LAMA2: variants seen among roughly 807,000 people sequenced by gnomAD.
LAMA2 encodes laminin subunit alpha-2.
In LAMA2, 269 loss-of-function variants were observed where a neutral mutation model predicts 364.8. That is an observed-to-expected ratio of 0.74 (90% confidence interval 0.67 to 0.82). The LOEUF is 0.82. Among genes scored for constraint, LAMA2 ranks in the 40% least tolerant of loss-of-function variants. The pLI, the probability that LAMA2 is intolerant of heterozygous loss-of-function variation, is 0.00. For synonymous variants in LAMA2, 1,379 were observed against 1,370.6 expected (o/e 1.01, Z -0.14); for missense variants, 3,807 against 3,873.2 (o/e 0.98, Z 0.45).
At chr6:129,193,448 A>G (rs1583221259) in intron 12 of LAMA2, among the ~76,000 whole-genome samples, 1 of 152,264 alleles carries the variant, frequency 6.6e-6, no homozygotes, top group Non-Finnish European at 1.5e-5. Flanking sequence ...ATGTAAAAAC[A>G]TACACAGATA....
At chr6:129,455,498 T>G (rs1782913715) in intron 47 of LAMA2, among the ~76,000 whole-genome samples, 2 of 152,184 alleles carry the variant, frequency 1.3e-5, no homozygotes, top group South Asian at 4.1e-4. Flanking sequence ...TTTGTTACCA[T>G]GTATTTCACT....
At chr6:129,323,951 T>A (rs1775118277) in intron 28 of LAMA2, among the ~76,000 whole-genome samples, 1 of 152,200 alleles carries the variant, frequency 6.6e-6, no homozygotes, top group African/African-American at 2.4e-5. Context: ...TAAAACTGAT[T>A]TTTTTAAATC....
At chr6:128,982,756 C>G (rs1782968481) in intron 1 of LAMA2, among the ~76,000 whole-genome samples, 1 of 119,214 alleles carries the variant, frequency 8.4e-6, no homozygotes, top group Admixed American at 8.7e-5. Flanking sequence ...TCCCTCCCCC[C>G]TCCCCCCACC....
intron 11 of LAMA2, among the ~76,000 whole-genome samples, chr6:129,190,981 T>A (rs1050368663): frequency 1.3e-5 from 2 of 152,150 alleles, no homozygotes; most frequent in Admixed American, 1.3e-4. Flanking sequence ...GCATGTTGTC[T>A]CCCTATACAG....
chr6:129,126,432 A>T (rs1777118661), intron 4 of LAMA2, among the ~76,000 whole-genome samples: 1 of 152,240 alleles, frequency 6.6e-6, no homozygotes, highest in Non-Finnish European at 1.5e-5. Flanking sequence ...CCTTAGTTTT[A>T]CATAAAAATA....
At chr6:129,113,538 A>G (rs1377924009) in intron 4 of LAMA2, among the ~76,000 whole-genome samples, 1 of 152,024 alleles carries the variant, frequency 6.6e-6, no homozygotes, top group Non-Finnish European at 1.5e-5. Flanking sequence ...GTGCCATGAC[A>G]TACCCTCTAC....
In LAMA2 at chr6:129,192,668, G is replaced by T. The variant is rs1313972759; in HGVS notation, c.1609-12G>T. 2 of 1,612,646 alleles carry T rather than the reference G, an allele frequency of 1.2e-6. No individual in the cohort carries two copies. The highest frequency in any genetic ancestry group is 1.3e-5 in the African/African-American group (1 of 74,900). On this transcript the variant is annotated splice_polypyrimidine_tract_variant and intron_variant, in intron 11 of 64. Coordinates refer to ENST00000421865, the MANE Select transcript of LAMA2 (RefSeq NM_000426.4). ...TTTTAAAAATTAATGATGACTGTGT[G>T]TTTTCTCTAAGATACAAGATATGAG...
At chr6:129,227,160 G>T (rs1009111479) in intron 12 of LAMA2, among the ~76,000 whole-genome samples, 2 of 152,052 alleles carry the variant, frequency 1.3e-5, no homozygotes, top group Non-Finnish European at 2.9e-5. Context: ...GGTACTTCTC[G>T]TGCCATAGTT....
rs182378156 is a variant in LAMA2 at position 129,209,758 on chromosome 6, C to G, written c.1782+16905C>G. Among the ~76,000 whole-genome samples the G allele has an allele frequency of 4.1e-4, 62 of 152,148 alleles. 1 individual carries two copies. In the East Asian group the frequency reaches 0.01, roughly 25 times the overall value. On this transcript the variant is annotated intron_variant, in intron 12 of 64. Coordinates refer to ENST00000421865, the MANE Select transcript of LAMA2 (RefSeq NM_000426.4). ...GTGGCTCACGCCTGTAATCCCAGCA[C>G]TTTGGGAGGCTGAGGCGGGCGGATA...
chr6:129,429,697 T>G (rs1350599911), intron 41 of LAMA2, among the ~76,000 whole-genome samples: 2 of 152,184 alleles, frequency 1.3e-5, no homozygotes, highest in Non-Finnish European at 2.9e-5. Context: ...CCCGTGACTT[T>G]GCGGTCACTC....
rs541311908 is a variant in LAMA2, at chr6:129,384,300, A to C, written c.5071+1067A>C. 1.1e-4 allele frequency among the ~76,000 whole-genome samples: 16 copies of C among 152,270 alleles called. No homozygotes were observed. The East Asian group carries it at 2.3e-3, about 22-fold the overall frequency. On this transcript the variant is annotated intron_variant, in intron 35 of 64. Coordinates refer to ENST00000421865, the MANE Select transcript of LAMA2 (RefSeq NM_000426.4). The stretch of plus-strand genomic sequence containing the variant: ...TACTTGAAGTGTCCCCCTCCAACCC[A>C]AAACAACAACAACAACAAATCCCAC...
chr6:129,212,640 A>G (rs914988118), intron 12 of LAMA2, among the ~76,000 whole-genome samples: 1 of 152,114 alleles, frequency 6.6e-6, no homozygotes, highest in South Asian at 2.1e-4. Context: ...TCAGCTATTT[A>G]CTTTCTAGTC....
At chr6:129,223,524 G>T (rs1784025727) in intron 12 of LAMA2, among the ~76,000 whole-genome samples, 1 of 152,140 alleles carries the variant, frequency 6.6e-6, no homozygotes, top group Non-Finnish European at 1.5e-5. Context: ...TTTGTATAAG[G>T]TGTAAGGAAG....
chr6:129,205,505 C>A (rs1157467982), intron 12 of LAMA2, among the ~76,000 whole-genome samples: 1 of 93,356 alleles, frequency 1.1e-5, no homozygotes, highest in African/African-American at 9.6e-5. Context: ...CACACACACA[C>A]ACACACACAC....
intron 33 of LAMA2, among the ~76,000 whole-genome samples, chr6:129,367,231 T>A (rs1375415364): frequency 1.3e-5 from 2 of 152,234 alleles, no homozygotes; most frequent in Non-Finnish European, 2.9e-5. Context: ...TGGAAAAAGA[T>A]GAAAGGTGTC....
intron 1 of LAMA2, among the ~76,000 whole-genome samples, chr6:128,969,182 G>A (rs1782036018): frequency 6.6e-6 from 1 of 152,160 alleles, no homozygotes; most frequent in African/African-American, 2.4e-5. Flanking sequence ...TAACAGGAGG[G>A]AAGATGACAG....
chr6:129,414,327 G>A (rs1357726450), intron 40 of LAMA2, among the ~76,000 whole-genome samples: 1 of 152,044 alleles, frequency 6.6e-6, no homozygotes, highest in Non-Finnish European at 1.5e-5. Context: ...ATTTTATGAG[G>A]CTGATACAAT....
chr6:129,366,237 C>G lies in LAMA2; in HGVS notation c.4736C>G (p.Thr1579Ser). Residue 1579 changes from threonine to serine, a missense_variant, in exon 33 of 65, where the codon ACT becomes AGT. Physicochemically the swap from Thr to Ser is moderately conservative, Grantham distance 58. Transcript: ENST00000421865. ...TTCACAGTTTGTGGAGATGAGTGCACTGGCCTTCTTCTCGGTGACTTGGCT... is the reference window on the plus strand; with the variant it reads ...TTCACAGTTTGTGGAGATGAGTGCAGTGGCCTTCTTCTCGGTGACTTGGCT... The part of the protein sequence containing the change: ...WECVFCGDEC[T>S]GLLLGDLARL... The G allele has an allele frequency of 6.2e-7, 1 of 1,613,828 alleles. No homozygotes were observed. Among genetic ancestry groups the G allele is most frequent in the Non-Finnish European group, 8.5e-7 (1 of 1,179,934 alleles).
chr6:128,953,086 G>A (rs1219267648), intron 1 of LAMA2, among the ~76,000 whole-genome samples: 1 of 152,150 alleles, frequency 6.6e-6, no homozygotes, highest in African/African-American at 2.4e-5. Flanking sequence ...CATGGGTGAT[G>A]GGCCCAACCA....
Sources: allele counts gnomAD v4.1 joint callset (sites outside exome capture counted in the v4.1 genomes callset), GRCh38; gene constraint gnomAD v4.1.1; transcripts MANE v1.5; gene names NCBI Gene and HGNC (gene_info 2026-07-23, HGNC 2026-07-21).